The following LIMCH1 variants were observed in gnomAD, a reference collection of about 807,000 sequenced individuals.
LIMCH1 encodes LIM and calponin homology domains 1.
LIMCH1 carries 113 observed loss-of-function variants against 176.5 expected under a neutral mutation model. The observed-to-expected ratio is 0.64, with a 90% CI of 0.55 to 0.75. The LOEUF (loss-of-function observed/expected upper bound fraction) is 0.75, where lower values mean the gene tolerates loss of function less well. LIMCH1 is among the 30% of genes least tolerant of loss of function. The probability of loss-of-function intolerance (pLI) is 0.00; values close to 1 mark genes in which losing one functional copy is unlikely to be tolerated. For missense variants in LIMCH1, 1,674 were observed against 1,814.9 expected, an observed-to-expected ratio of 0.92 and a Z score of 1.41; for synonymous variants, 619 against 645.9, an observed-to-expected ratio of 0.96 and a Z score of 0.63.
intron 2 of LIMCH1, among the ~76,000 whole-genome samples, chr4:41,515,211 T>C (rs1032343725): frequency 6.6e-6 from 1 of 152,222 alleles, no homozygotes; most frequent in Non-Finnish European, 1.5e-5. Context: ...GAGCCAGCTG[T>C]GGCTGCGGTG....
At position 41,514,230 on chromosome 4, in the gene LIMCH1, G is replaced by A. The variant is rs186718094; in HGVS notation, c.168-10179G>A. Among the ~76,000 whole-genome samples the A allele has an allele frequency of 2.6e-3, 396 of 152,164 alleles. 1 individual carries two copies. The highest frequency in any genetic ancestry group is 9.3e-3 in the African/African-American group (384 of 41,494). Reference sequence around the variant, plus strand: ...CCCTTACACTAGAGCTAGAGTTACAGAGAGGACTAACCCTTTGCCTGATGA... The same window carrying A: ...CCCTTACACTAGAGCTAGAGTTACAAAGAGGACTAACCCTTTGCCTGATGA... On this transcript the variant is annotated intron_variant, in intron 2 of 26. Coordinates refer to the LIMCH1 transcript ENST00000313860.
At chr4:41,546,067 T>C (rs2079342076) in intron 1 of LIMCH1, among the ~76,000 whole-genome samples, 4 of 152,162 alleles carry the variant, frequency 2.6e-5, no homozygotes, top group Non-Finnish European at 4.4e-5. Flanking sequence ...TATATTGTTA[T>C]AGGAATAAAA....
At chr4:41,469,000 T>A (rs1163672100) in intron 1 of LIMCH1, among the ~76,000 whole-genome samples, 2 of 152,188 alleles carry the variant, frequency 1.3e-5, no homozygotes, top group Admixed American at 6.5e-5. Flanking sequence ...AGAGGACTTG[T>A]TGTCATGAGT....
At chr4:41,497,153 C>G (rs1288008820) in intron 2 of LIMCH1, among the ~76,000 whole-genome samples, 1 of 152,020 alleles carries the variant, frequency 6.6e-6, no homozygotes, top group East Asian at 1.9e-4. Context: ...CAGTGTTATC[C>G]CAGTTGGCAA....
intron 1 of LIMCH1, among the ~76,000 whole-genome samples, chr4:41,560,980 G>A (rs1490326261): frequency 6.6e-6 from 1 of 150,592 alleles, no homozygotes; most frequent in Non-Finnish European, 1.5e-5. Context: ...TTACAGCACT[G>A]CACTCCAGCC....
At chr4:41,617,754 A>G (rs139560568) in intron 5 of LIMCH1, among the ~76,000 whole-genome samples, 2 of 152,336 alleles carry the variant, frequency 1.3e-5, no homozygotes, top group African/African-American at 4.8e-5. Flanking sequence ...CCTCCAGGGC[A>G]AATCATTTTA....
chr4:41,424,418 A>G (rs1561327640), intron 1 of LIMCH1, among the ~76,000 whole-genome samples: 2 of 152,174 alleles, frequency 1.3e-5, no homozygotes, highest in Non-Finnish European at 2.9e-5. Flanking sequence ...GCTTAAAGTA[A>G]TCTTACCATG....
At chr4:41,694,265 A>G (rs1316603692) in intron 31 of LIMCH1, among the ~76,000 whole-genome samples, 3 of 152,212 alleles carry the variant, frequency 2.0e-5, no homozygotes, top group Non-Finnish European at 2.9e-5. Context: ...TACAGATGCT[A>G]TAATGTTAGA....
intron 1 of LIMCH1, among the ~76,000 whole-genome samples, chr4:41,569,352 G>A (rs952012674): frequency 2.6e-5 from 4 of 152,110 alleles, no homozygotes; most frequent in South Asian, 2.1e-4. Context: ...GGCAGCTCCC[G>A]TAAAACCTGT....
intron 1 of LIMCH1, among the ~76,000 whole-genome samples, chr4:41,569,069 A>G (rs2083165973): frequency 6.6e-6 from 1 of 152,226 alleles, no homozygotes; most frequent in South Asian, 2.1e-4. Context: ...GAAACTGATA[A>G]GAATTGACTG....
intron 1 of LIMCH1, among the ~76,000 whole-genome samples, chr4:41,591,788 A>G (rs1340690895): frequency 6.6e-6 from 1 of 152,198 alleles, no homozygotes; most frequent in Non-Finnish European, 1.5e-5. Context: ...CAAATCCATG[A>G]TCATGTTGAT....
chr4:41,360,963 C>T lies in LIMCH1; in HGVS notation c.96+27C>T. On this transcript the variant is annotated intron_variant, in intron 1 of 26. Transcript: ENST00000313860. This position sits in a 1 kb window ranked among gnomAD's most constrained non-coding sequence, Gnocchi z 4.5. ...TAGGTGCGGGTGGCTGGCGGGCGGCCTTGCACTGGCGCCCTGAGCCACGGA... is the reference window on the plus strand; with the variant it reads ...TAGGTGCGGGTGGCTGGCGGGCGGCTTTGCACTGGCGCCCTGAGCCACGGA... 6.6e-7 allele frequency: 1 copy of T among 1,524,156 alleles called. No individual in the cohort carries two copies. Among genetic ancestry groups the T allele is most frequent in the Non-Finnish European group, 8.9e-7 (1 of 1,128,368 alleles). 94.4% of individuals were successfully genotyped at this position (1,524,156 alleles called of 1,614,324 possible).
chr4:41,584,199 TATCCTTTGTTGCAAAG>T (rs1457320910), intron 1 of LIMCH1, among the ~76,000 whole-genome samples: 1 of 152,196 alleles, frequency 6.6e-6, no homozygotes, highest in Non-Finnish European at 1.5e-5. Flanking sequence ...GTGTGGAATA[TATCCTTTGTTGCAAAG>T]ATTGAAGTAT....
At chr4:41,503,089 G>A (rs763423624) in intron 2 of LIMCH1, among the ~76,000 whole-genome samples, 12 of 151,736 alleles carry the variant, frequency 7.9e-5, no homozygotes, top group Admixed American at 4.6e-4. Context: ...TTGTCTTTGG[G>A]TAAGTTTTCC....
chr4:41,497,459 A>G (rs2072395918), intron 2 of LIMCH1, among the ~76,000 whole-genome samples: 1 of 152,212 alleles, frequency 6.6e-6, no homozygotes, highest in Non-Finnish European at 1.5e-5. Context: ...CAGAGAAAGT[A>G]ACTGAGGTAC....
At chr4:41,605,833 C>A (rs2090626383) in intron 3 of LIMCH1, 61 bp from the exon 4 acceptor site, 1 of 1,003,912 alleles carries the variant, frequency 1.0e-6, no homozygotes, top group Non-Finnish European at 1.6e-6. Context: ...ACATTATTGA[C>A]TCCTTAGTTT....
intron 1 of LIMCH1, among the ~76,000 whole-genome samples, chr4:41,404,545 AGGT>A (rs1399968127): frequency 6.6e-6 from 1 of 152,094 alleles, no homozygotes; most frequent in Non-Finnish European, 1.5e-5. Context: ...TGGGAGGCTG[AGGT>A]GGGTGGATCA....
At chr4:41,376,741 A>G (rs536849864) in intron 1 of LIMCH1, among the ~76,000 whole-genome samples, 1 of 152,256 alleles carries the variant, frequency 6.6e-6, no homozygotes, top group Non-Finnish European at 1.5e-5. Context: ...TCATGACACT[A>G]ATTTGGAACT....
At position 41,646,471 on chromosome 4, in the gene LIMCH1, C is replaced by T; in HGVS notation, c.2412-14C>T. The T allele has an allele frequency of 2.5e-6, 4 of 1,606,874 alleles. No homozygotes were observed. The highest frequency in any genetic ancestry group is 3.4e-6 in the Non-Finnish European group (4 of 1,175,452). ...ATTAGTTGACTTTGTTATTGCTTCT[C>T]CCATGTCCTTTAGAGAGCGGAGAGA... On this transcript the variant is annotated splice_polypyrimidine_tract_variant and intron_variant, in intron 16 of 31. Transcript: ENST00000503057.
Sources: allele counts gnomAD v4.1 joint callset (sites outside exome capture counted in the v4.1 genomes callset), GRCh38; gene constraint gnomAD v4.1.1; non-coding constraint Gnocchi (gnomAD v3.1); transcripts MANE v1.5; gene names NCBI Gene and HGNC (gene_info 2026-07-23, HGNC 2026-07-21).